The following JDP2 variants were observed in gnomAD, a reference collection of about 807,000 sequenced individuals.
The protein encoded by JDP2 is Jun dimerization protein 2.
Under a neutral mutation model 17.1 loss-of-function variants are expected in JDP2, and 9 were observed. The ratio of observed to expected loss-of-function variants is 0.53; its 90% CI spans 0.32 to 0.92. The LOEUF (loss-of-function observed/expected upper bound fraction) is 0.92. Ranked by LOEUF, JDP2 falls within the 40% of genes least tolerant of loss-of-function variation. The pLI, the probability that JDP2 is intolerant of heterozygous loss-of-function variation, is 0.04. For missense variants in JDP2, 179 were observed against 220.0 expected, an observed-to-expected ratio of 0.81 and a Z score of 1.18; for synonymous variants, 107 against 95.6, an observed-to-expected ratio of 1.12 and a Z score of -0.69.
intron 2 of JDP2, chr14:75,445,672 T>C: frequency 2.5e-6 from 2 of 805,362 alleles, no homozygotes; most frequent in South Asian, 1.1e-4. Flanking sequence ...TATCTCAAAA[T>C]GGATCGAAGG....
intron 2 of JDP2, among the ~76,000 whole-genome samples, chr14:75,449,072 ATG>A (rs1885735840): frequency 6.6e-6 from 1 of 152,116 alleles, no homozygotes; most frequent in African/African-American, 2.4e-5. Context: ...AGTATTCTTG[ATG>A]GGGAGGTTGC....
chr14:75,428,539 C>T lies in JDP2; in HGVS notation c.-24+287C>T, dbSNP rs1884643511. On this transcript the variant is annotated intron_variant, in intron 1 of 3. Transcript: ENST00000651602. This position sits in a 1 kb window ranked among gnomAD's most constrained non-coding sequence, Gnocchi z 5.6. ...GACAGCCGGGGTGCTCCCTCCTTCT[C>T]CCTCCCGCGCTCTCCTCCCCCGTCC... 6.6e-6 allele frequency: 1 copy of T among 152,214 alleles called. No homozygotes were observed. Among genetic ancestry groups the T allele is most frequent in the African/African-American group, 2.4e-5 (1 of 41,450 alleles). 9.4% of individuals were successfully genotyped at this position (152,214 alleles called of 1,614,324 possible). A position where few individuals can be genotyped will look rare whatever the true frequency, so the allele number is the denominator to read the frequency against.
intron 3 of JDP2, among the ~76,000 whole-genome samples, chr14:75,465,491 G>A (rs537394153): frequency 6.6e-6 from 1 of 152,148 alleles, no homozygotes; most frequent in Admixed American, 6.5e-5. Flanking sequence ...GACCATGCCT[G>A]GCTAATTTTC....
intron 2 of JDP2, among the ~76,000 whole-genome samples, chr14:75,459,290 G>A (rs748749303): frequency 1.4e-4 from 22 of 152,212 alleles, no homozygotes; most frequent in Non-Finnish European, 2.8e-4. Context: ...AAGGTTGGGC[G>A]GAATCAATTT....
chr14:75,447,053 T>C (rs960247179), intron 2 of JDP2, among the ~76,000 whole-genome samples: 5 of 152,194 alleles, frequency 3.3e-5, no homozygotes, highest in Non-Finnish European at 7.3e-5. Flanking sequence ...GGATTTAATA[T>C]AGAACTAGGG....
intron 2 of JDP2, among the ~76,000 whole-genome samples, chr14:75,451,576 C>T (rs535574458): frequency 1.4e-4 from 21 of 152,188 alleles, no homozygotes; most frequent in Admixed American, 1.3e-3. Flanking sequence ...CCGTGCGTAT[C>T]GAGTGAGGAG....
At chr14:75,429,914 GC>G (rs759371327) in intron 1 of JDP2, among the ~76,000 whole-genome samples, 1 of 151,944 alleles carries the variant, frequency 6.6e-6, no homozygotes, top group Non-Finnish European at 1.5e-5. Flanking sequence ...TAGACCTCTG[GC>G]TTTTCTCCTA....
chr14:75,429,681 G>T (rs934418487), intron 1 of JDP2, among the ~76,000 whole-genome samples: 5 of 152,206 alleles, frequency 3.3e-5, no homozygotes, highest in African/African-American at 1.2e-4. Flanking sequence ...GCATGGCTCT[G>T]ATTTTGTATA....
intron 2 of JDP2, among the ~76,000 whole-genome samples, chr14:75,459,502 T>G (rs1886260185): frequency 1.3e-5 from 2 of 152,128 alleles, no homozygotes; most frequent in Admixed American, 1.3e-4. Context: ...GGGGCTGCCC[T>G]GCCAAGGCCT....
At chr14:75,437,440 G>A (rs762561202) in intron 1 of JDP2, among the ~76,000 whole-genome samples, 4 of 152,228 alleles carry the variant, frequency 2.6e-5, no homozygotes, top group Non-Finnish European at 5.9e-5. Context: ...AGGTTCTGCC[G>A]TTATAATTCG....
At chr14:75,465,296 CT>C (rs1448249740) in intron 3 of JDP2, among the ~76,000 whole-genome samples, 4 of 126 alleles carry the variant, frequency 0.032, no homozygotes, top group African/African-American at 0.059. Context: ...CTTAGAATAG[CT>C]TTTTAAAAAA....
At chr14:75,446,415 A>G (rs563599515) in intron 2 of JDP2, among the ~76,000 whole-genome samples, 62 of 152,370 alleles carry the variant, frequency 4.1e-4, no homozygotes, top group African/African-American at 1.4e-3. Context: ...ATGTCCATGA[A>G]TTGGTGCATG....
rs536653088 is a variant in JDP2 at position 75,431,228 on chromosome 14, A to G, written c.-24+2976A>G. 2.3e-4 allele frequency among the ~76,000 whole-genome samples: 35 copies of G among 152,330 alleles called. No individual in the cohort carries two copies. In the South Asian group the frequency reaches 7.0e-3, roughly 31 times the overall value. On this transcript the variant is annotated intron_variant, in intron 1 of 3. Coordinates refer to ENST00000651602, the MANE Select transcript of JDP2 (RefSeq NM_001135048.2). ...CCTGGGTTAAAGATTCCTGGCAGAG[A>G]TAACTTCATATGTATTTATTGAGCG...
chr14:75,448,454 G>A (rs1885706726), intron 2 of JDP2, among the ~76,000 whole-genome samples: 1 of 152,124 alleles, frequency 6.6e-6, no homozygotes, highest in Admixed American at 6.5e-5. Flanking sequence ...AGCTCTGACT[G>A]GCCATGATTC....
intron 2 of JDP2, among the ~76,000 whole-genome samples, chr14:75,441,098 G>A (rs1391687111): frequency 1.3e-5 from 2 of 152,110 alleles, no homozygotes; most frequent in Non-Finnish European, 2.9e-5. Context: ...CAGTCCTGCA[G>A]CCTTACTGTC....
At chr14:75,444,287 G>T (rs538022713) in intron 2 of JDP2, among the ~76,000 whole-genome samples, 4 of 152,228 alleles carry the variant, frequency 2.6e-5, no homozygotes, top group Non-Finnish European at 5.9e-5. Flanking sequence ...TATAAGGTAG[G>T]CTTGTGACTC....
chr14:75,445,111 A>C (rs572715900), intron 2 of JDP2: 1 of 985,400 alleles, frequency 1.0e-6, no homozygotes, highest in Non-Finnish European at 1.2e-6. Flanking sequence ...ACATGGACTC[A>C]GAGTTGGGAA....
At position 75,430,067 on chromosome 14, in the gene JDP2, C is replaced by G. The variant is rs545249027; in HGVS notation, c.-24+1815C>G. Reference sequence around the variant, plus strand: ...GGATAAGGGTCTCCCCACTCATCCACTGCCTAACTTTTGCAGCTACCAGGG... The same window carrying G: ...GGATAAGGGTCTCCCCACTCATCCAGTGCCTAACTTTTGCAGCTACCAGGG... On this transcript the variant is annotated intron_variant, in intron 1 of 3. Coordinates refer to ENST00000651602, the MANE Select transcript of JDP2 (RefSeq NM_001135048.2). The surrounding 1 kb of genome is among the most constrained non-coding windows in gnomAD (Gnocchi z 4.5). 1.3e-5 allele frequency among the ~76,000 whole-genome samples: 2 copies of G among 152,348 alleles called. No homozygotes were observed. The highest frequency in any genetic ancestry group is 4.1e-4 in the South Asian group (2 of 4,832).
At chr14:75,433,195 C>CA (rs780191475) in intron 1 of JDP2, among the ~76,000 whole-genome samples, 1,141 of 19,364 alleles carry the variant, frequency 0.059, 245 homozygotes, top group African/African-American at 0.16. Flanking sequence ...AACTCCGTCT[C>CA]AAAAAAAAAA....
Sources: gnomAD v4.1 joint callset for allele counts (sites outside exome capture counted in the v4.1 genomes callset) on GRCh38, gnomAD v4.1.1 for gene constraint, Gnocchi (gnomAD v3.1) non-coding constraint, MANE v1.5 for transcripts, NCBI Gene and HGNC (gene_info 2026-07-23, HGNC 2026-07-21) for gene names.